Variants in NPAT observed in about 807,000 individuals in gnomAD.
NPAT encodes the protein nuclear protein, coactivator of histone transcription, also known as protein NPAT.
Under a neutral mutation model 130.7 loss-of-function variants are expected in NPAT, and 52 were observed. That is an observed-to-expected ratio of 0.40 (90% CI 0.32 to 0.50). The LOEUF (loss-of-function observed/expected upper bound fraction) is 0.50, where lower values mean the gene tolerates loss of function less well. Ranked by LOEUF, NPAT falls within the 20% of genes least tolerant of loss-of-function variation. NPAT has a pLI of 0.68. For missense variants in NPAT, 1,687 were observed against 1,662.6 expected (o/e 1.01, Z -0.26); for synonymous variants, 580 against 584.8 (o/e 0.99, Z 0.12).
chr11:108,176,434 A>T, intron 11 of NPAT, 60 bp from the exon 12 acceptor site: 1 of 1,207,440 alleles, frequency 8.3e-7, no homozygotes, highest in Non-Finnish European at 1.2e-6. Flanking sequence ...AACATCAATG[A>T]ATACAGCTTG....
intron 17 of NPAT, 142 bp from the exon 18 acceptor site, chr11:108,159,161 A>G (rs541118593): frequency 8.2e-6 from 5 of 606,074 alleles, no homozygotes; most frequent in Non-Finnish European, 1.5e-5. Flanking sequence ...TTTTACTTCT[A>G]TAGAGAAGTA....
intron 12 of NPAT, among the ~76,000 whole-genome samples, chr11:108,174,621 T>A (rs1591392206): frequency 1.3e-5 from 2 of 150,290 alleles, no homozygotes; most frequent in South Asian, 4.2e-4. Flanking sequence ...TTTCCTTTTT[T>A]TTTTTTTTTT....
At chr11:108,175,628 G>A (rs565846010) in intron 12 of NPAT, among the ~76,000 whole-genome samples, 1 of 152,252 alleles carries the variant, frequency 6.6e-6, no homozygotes, top group African/African-American at 2.4e-5. Flanking sequence ...AGAAGAAATG[G>A]AGAATTGGAC....
At chr11:108,189,856 C>T (rs2078148507) in intron 5 of NPAT, among the ~76,000 whole-genome samples, 1 of 136,438 alleles carries the variant, frequency 7.3e-6, no homozygotes, top group African/African-American at 2.8e-5. Context: ...GGCGACAGAG[C>T]GAGACTCCGT....
intron 1 of NPAT, among the ~76,000 whole-genome samples, chr11:108,214,008 C>G (rs530178414): frequency 3.5e-4 from 53 of 152,122 alleles, no homozygotes; most frequent in African/African-American, 1.3e-3. Flanking sequence ...CCACTTCAGC[C>G]AACCCAGTAG....
At chr11:108,199,146 T>C (rs2078251344) in intron 1 of NPAT, among the ~76,000 whole-genome samples, 1 of 151,682 alleles carries the variant, frequency 6.6e-6, no homozygotes, top group Non-Finnish European at 1.5e-5. Context: ...GGAGACAGAG[T>C]TGTAACGGTC....
At chr11:108,170,264 C>T (rs563787368) in intron 13 of NPAT, 199 of 506,354 alleles carry the variant, frequency 3.9e-4, no homozygotes, top group Middle Eastern at 1.1e-3. Context: ...AAGAAAAAGT[C>T]AATCCAAATA....
chr11:108,167,976 T>C (rs1565308348), intron 15 of NPAT, among the ~76,000 whole-genome samples: 1 of 152,190 alleles, frequency 6.6e-6, no homozygotes, highest in Admixed American at 6.5e-5. Flanking sequence ...ACTTTATTAG[T>C]AATCAGAATA....
In NPAT at chr11:108,191,370, A is replaced by G. The variant is rs562434188; in HGVS notation, c.290+748T>C. Among the ~76,000 whole-genome samples the G allele has an allele frequency of 2.0e-5, 3 of 152,354 alleles. No homozygotes were observed. The East Asian group carries it at 5.8e-4, about 29-fold the overall frequency. ...CAAGTTAATTCTTTTAGTATGAATT[A>G]GAGTGGCCCACCCCTTTATTCGATA... On this transcript the variant is annotated intron_variant, in intron 4 of 17. Coordinates refer to ENST00000278612, the MANE Select transcript of NPAT (RefSeq NM_002519.3).
chr11:108,217,453 A>G (rs1364991449), intron 1 of NPAT, among the ~76,000 whole-genome samples: 1 of 152,176 alleles, frequency 6.6e-6, no homozygotes, highest in East Asian at 1.9e-4. Context: ...TCTTGTATAT[A>G]TCAGTTAGCC....
chr11:108,202,702 C>T (rs766677130), intron 1 of NPAT, among the ~76,000 whole-genome samples: 1 of 152,138 alleles, frequency 6.6e-6, no homozygotes, highest in Non-Finnish European at 1.5e-5. Flanking sequence ...CAAGCAACAT[C>T]TTCTCCCTTC....
chr11:108,177,232 A>G (rs1591393923), intron 10 of NPAT, 142 bp from the exon 11 acceptor site: 1 of 359,404 alleles, frequency 2.8e-6, no homozygotes, highest in Admixed American at 4.1e-5. Context: ...GTAGCTCACT[A>G]TAACCTGAAA....
In NPAT at chr11:108,185,286, T is replaced by C. The variant is rs2078096666; in HGVS notation, c.852A>G (p.Thr284=). ...DNNIAQVPKQ[T]DNNPTEPETS... Reference sequence around the variant, plus strand: ...TCTCTGGCTCCGTAGGGTTGTTATCTGTTTGCTTAGGTACTTGGGCAATAT... The same window carrying C: ...TCTCTGGCTCCGTAGGGTTGTTATCCGTTTGCTTAGGTACTTGGGCAATAT... The change falls in exon 10 of 18, where the codon ACA becomes ACG. Residue 284 remains threonine (T), a synonymous_variant. Transcript: ENST00000278612. 1 of 1,612,246 alleles carries C rather than the reference T, an allele frequency of 6.2e-7. No homozygotes were observed. Among genetic ancestry groups the C allele is most frequent in the Non-Finnish European group, 8.5e-7 (1 of 1,178,954 alleles).
chr11:108,162,218 T>G (rs899187192), intron 15 of NPAT, 38 bp from the exon 16 acceptor site: 1 of 1,558,182 alleles, frequency 6.4e-7, no homozygotes. Flanking sequence ...AAAAAGAATA[T>G]ACTCCTCTGA....
At chr11:108,190,417 A>G (rs371137331) in intron 5 of NPAT, 43 bp downstream of exon 5, 576 of 1,498,518 alleles carry the variant, frequency 3.8e-4, no homozygotes, top group Non-Finnish European at 5.0e-4. Context: ...TGATAGTTTA[A>G]GTTTGAAGTA....
chr11:108,181,469 A>C (rs951678121), intron 10 of NPAT, among the ~76,000 whole-genome samples: 2 of 151,960 alleles, frequency 1.3e-5, no homozygotes, highest in African/African-American at 4.8e-5. Flanking sequence ...TGTCTCAAAA[A>C]AAACAAAAAC....
At chr11:108,185,766 T>C (rs543857520) in intron 8 of NPAT, among the ~76,000 whole-genome samples, 1 of 152,366 alleles carries the variant, frequency 6.6e-6, no homozygotes, top group South Asian at 2.1e-4. Flanking sequence ...AGTGTCGCTC[T>C]ATAGCCCAGC....
At chr11:108,185,857 A>G (rs1264436213) in intron 8 of NPAT, among the ~76,000 whole-genome samples, 1 of 152,148 alleles carries the variant, frequency 6.6e-6, no homozygotes, top group Non-Finnish European at 1.5e-5. Context: ...AGCCTCCTGA[A>G]TAGTAGCTGG....
Position 108,185,309 on chromosome 11 carries a change from T to C in NPAT, c.829A>G (p.Ile277Val). Reference sequence around the variant, plus strand: ...TCTGTTTGCTTAGGTACTTGGGCAATATTGTTATCACTGTTAATAAAGAAA... The same window carrying C: ...TCTGTTTGCTTAGGTACTTGGGCAACATTGTTATCACTGTTAATAAAGAAA... Reference protein sequence around the residue: ...INKFLTSDNNIAQVPKQTDNN... With the variant: ...INKFLTSDNNVAQVPKQTDNN... Residue 277 changes from isoleucine to valine, a missense_variant, in exon 10 of 18, where the codon ATT becomes GTT. Coordinates refer to ENST00000278612, the MANE Select transcript of NPAT (RefSeq NM_002519.3). The C allele has an allele frequency of 2.5e-6, 4 of 1,609,644 alleles. No homozygotes were observed. Among genetic ancestry groups the C allele is most frequent in the Non-Finnish European group, 3.4e-6 (4 of 1,176,752 alleles).
Sources: gnomAD v4.1 joint callset for allele counts (sites outside exome capture counted in the v4.1 genomes callset) on GRCh38, gnomAD v4.1.1 for gene constraint, MANE v1.5 for transcripts, NCBI Gene and HGNC (gene_info 2026-07-23, HGNC 2026-07-21) for gene names.